Variants in C12orf42 observed in about 807,000 individuals in gnomAD.
The protein encoded by C12orf42 is chromosome 12 open reading frame 42.
A neutral mutation model predicts 21.6 loss-of-function variants in C12orf42; 25 were observed. The observed-to-expected ratio is 1.16, with a 90% CI of 0.84 to 1.62. C12orf42 has a LOEUF of 1.62. Ranked by LOEUF, C12orf42 falls within the 40% of genes most tolerant of loss-of-function variation. C12orf42 has a pLI of 0.00. For missense variants in C12orf42, 483 were observed against 459.3 expected (o/e 1.05, Z -0.47); for synonymous variants, 174 against 175.0 (o/e 0.99, Z 0.05).
chr12:103,322,117 G>A lies in C12orf42; in HGVS notation c.260-15772C>T, dbSNP rs575430708. ...CAGATGTGCACGCGCGTGCGTGCGC[G>A]CGCGCGCGCACACACACACACACAC... On this transcript the variant is annotated intron_variant, in intron 4 of 5. Coordinates refer to ENST00000548883, the MANE Select transcript of C12orf42 (RefSeq NM_198521.5). Among the ~76,000 whole-genome samples the A allele has an allele frequency of 5.0e-4, 56 of 112,374 alleles. No homozygotes were observed. The East Asian group carries it at 0.011, about 22-fold the overall frequency. The allele number at this position is 112,374 out of a possible 152,430, so 73.7% of individuals were successfully genotyped here.
chr12:103,422,339 A>G (rs951509335), intron 2 of C12orf42, among the ~76,000 whole-genome samples: 3 of 152,214 alleles, frequency 2.0e-5, no homozygotes. Flanking sequence ...CTTTAATATA[A>G]CAGCCAATTA....
At chr12:103,492,549 T>A (rs762169680) in intron 1 of C12orf42, among the ~76,000 whole-genome samples, 2 of 152,238 alleles carry the variant, frequency 1.3e-5, no homozygotes, top group Non-Finnish European at 2.9e-5. Flanking sequence ...TGGCATCCAT[T>A]TGATCATAAT....
chr12:103,163,463 T>G, the C12orf42 span, among the ~76,000 whole-genome samples: 1 of 152,180 alleles, frequency 6.6e-6, no homozygotes, highest in Non-Finnish European at 1.5e-5. Context: ...GCTCCAGGAC[T>G]GCCCTTGTGT....
the C12orf42 span, among the ~76,000 whole-genome samples, chr12:103,059,392 A>G: frequency 3.9e-5 from 6 of 152,186 alleles, no homozygotes; most frequent in African/African-American, 1.4e-4. Flanking sequence ...GATTTCTAAC[A>G]GAGGTAAAAA....
the C12orf42 span, among the ~76,000 whole-genome samples, chr12:103,524,976 G>A: frequency 6.7e-6 from 1 of 149,420 alleles, no homozygotes; most frequent in Non-Finnish European, 1.5e-5. Context: ...GGGGGGGCAG[G>A]GGGGCAGGTC....
At chr12:103,223,462 AG>A in the C12orf42 span, among the ~76,000 whole-genome samples, 46 of 152,222 alleles carry the variant, frequency 3.0e-4, no homozygotes, top group African/African-American at 1.1e-3. Flanking sequence ...GGGACGACTC[AG>A]GATATCTGAT....
intron 4 of C12orf42, among the ~76,000 whole-genome samples, chr12:103,365,227 A>T (rs1028227730): frequency 6.6e-6 from 1 of 152,124 alleles, no homozygotes; most frequent in African/African-American, 2.4e-5. Flanking sequence ...CAAAAATCAC[A>T]TGATAAACTC....
chr12:103,485,463 T>TG (rs1455225260), intron 1 of C12orf42, among the ~76,000 whole-genome samples: 1 of 152,246 alleles, frequency 6.6e-6, no homozygotes, highest in Admixed American at 6.5e-5. Context: ...GGGCTCTTTT[T>TG]TAGTTCCATA....
intron 4 of C12orf42, among the ~76,000 whole-genome samples, chr12:103,368,317 T>TCTCTCA (rs1555271889): frequency 6.3e-4 from 93 of 146,618 alleles, no homozygotes; most frequent in Middle Eastern, 3.5e-3. Flanking sequence ...TCTCTCTCTC[T>TCTCTCA]CACACACACA....
chr12:103,440,675 A>C (rs1951173684), intron 2 of C12orf42, among the ~76,000 whole-genome samples: 1 of 152,122 alleles, frequency 6.6e-6, no homozygotes, highest in Admixed American at 6.6e-5. Context: ...CAAAGATGTT[A>C]TGTGATTTGT....
the C12orf42 span, among the ~76,000 whole-genome samples, chr12:103,174,505 G>C: frequency 6.6e-6 from 1 of 152,136 alleles, no homozygotes; most frequent in Non-Finnish European, 1.5e-5. Context: ...AGTGGAGGTA[G>C]AGAGAAGTAT....
At chr12:103,087,213 G>A in the C12orf42 span, among the ~76,000 whole-genome samples, 3 of 152,206 alleles carry the variant, frequency 2.0e-5, no homozygotes, top group South Asian at 6.2e-4. Context: ...CTAAGATCCT[G>A]ACTGTCACAT....
chr12:103,251,776 A>G (rs2034317343), intron 10 of C12orf42, among the ~76,000 whole-genome samples: 1 of 152,196 alleles, frequency 6.6e-6, no homozygotes, highest in Non-Finnish European at 1.5e-5. Flanking sequence ...CACAACTGCT[A>G]CAAGTGATTG....
At chr12:103,301,809 A>T (rs2037667115), downstream of C12orf42, 1 of 292,076 alleles carries the variant, frequency 3.4e-6, no homozygotes, top group South Asian at 1.2e-4. Context: ...AGGGGTCCTC[A>T]CAATCCCAAG....
At chr12:103,559,879 G>A in the C12orf42 span, 1 of 152,170 alleles carries the variant, frequency 6.6e-6, no homozygotes, top group African/African-American at 2.4e-5. Flanking sequence ...AAGTGTAATT[G>A]TTATTGATTA....
intron 10 of C12orf42, among the ~76,000 whole-genome samples, chr12:103,244,610 C>T (rs957738915): frequency 6.6e-6 from 1 of 151,552 alleles, no homozygotes. Context: ...ATTAGTAGCA[C>T]TCTGAGCAAC....
chr12:103,282,659 G>T (rs954399743), intron 4 of C12orf42, among the ~76,000 whole-genome samples: 6 of 152,124 alleles, frequency 3.9e-5, no homozygotes, highest in Admixed American at 1.3e-4. Context: ...GCAATACATG[G>T]CTATATGCTG....
the C12orf42 span, among the ~76,000 whole-genome samples, chr12:103,191,756 A>G: frequency 0.019 from 2,904 of 149,812 alleles, 103 homozygotes; most frequent in African/African-American, 0.065. Context: ...AAAAAAAAAA[A>G]AAAAGAAAAG....
At chr12:103,240,877 T>C (rs531347157) in intron 10 of C12orf42, among the ~76,000 whole-genome samples, 1 of 152,240 alleles carries the variant, frequency 6.6e-6, no homozygotes, top group South Asian at 2.1e-4. Flanking sequence ...GCACTTAATA[T>C]AATATTTAAA....
Sources: gnomAD v4.1 joint callset for allele counts (sites outside exome capture counted in the v4.1 genomes callset) on GRCh38, gnomAD v4.1.1 for gene constraint, MANE v1.5 for transcripts, NCBI Gene and HGNC (gene_info 2026-07-23, HGNC 2026-07-21) for gene names.